The following ARID4A variants were observed in gnomAD, a reference collection of about 807,000 sequenced individuals.
The protein encoded by ARID4A is AT-rich interactive domain-containing protein 4A.
ARID4A carries 39 observed loss-of-function variants against 148.6 expected under a neutral mutation model. That is an observed-to-expected ratio of 0.26 (90% CI 0.20 to 0.34). ARID4A has a LOEUF of 0.34. ARID4A is among the 10% of genes least tolerant of loss of function. ARID4A has a pLI of 1.00. For missense variants in ARID4A, 1,265 were observed against 1,449.1 expected, an observed-to-expected ratio of 0.87 and a Z score of 2.06; for synonymous variants, 475 against 481.2, an observed-to-expected ratio of 0.99 and a Z score of 0.17.
Position 58,357,013 on chromosome 14 carries a change from T to G in ARID4A, c.1854-2119T>G, listed in dbSNP as rs1320738558. On this transcript the variant is annotated intron_variant, in intron 17 of 23. Transcript: ENST00000355431. ...TGCGCCCGGCCTAAATTTGGATTTT[T>G]TTTCCTGGTCTAGCGATATGCAGTA... Among the ~76,000 whole-genome samples, 3 of 152,224 alleles carry G rather than the reference T, an allele frequency of 2.0e-5. No individual in the cohort carries two copies. In the East Asian group the frequency reaches 5.8e-4, roughly 29 times the overall value.
Position 58,366,220 on chromosome 14 carries a change from C to T in ARID4A, c.3513C>T (p.Ser1171=). 6.2e-7 allele frequency: 1 copy of T among 1,612,174 alleles called. No homozygotes were observed. The highest frequency in any genetic ancestry group is 8.5e-7 in the Non-Finnish European group (1 of 1,178,558). ...CATCCCCTAGGACATATAAATGGAG[C>T]TTTCAGCTCAGTAAGAAGCTTATAG... ...PNSSPRTYKW[S]FQLNELDNMN... is the part of the protein sequence containing the mutation. Residue 1171 remains serine (S), a synonymous_variant, in exon 22 of 24, where the codon AGC becomes AGT. Transcript: ENST00000355431.
At chr14:58,346,369 A>C (rs377017223) in intron 12 of ARID4A, 42 bp from the exon 13 acceptor site, 1 of 1,408,608 alleles carries the variant, frequency 7.1e-7, no homozygotes, top group African/African-American at 1.4e-5. Context: ...AGTATTTCTC[A>C]TTTGAATAAA....
At chr14:58,344,097 A>G (rs1441896322) in intron 11 of ARID4A, among the ~76,000 whole-genome samples, 1 of 152,158 alleles carries the variant, frequency 6.6e-6, no homozygotes, top group African/African-American at 2.4e-5. Context: ...CAAAAGAGAA[A>G]ACCAGGTTAT....
chr14:58,360,359 A>G (rs2035081457), intron 18 of ARID4A, among the ~76,000 whole-genome samples: 1 of 152,198 alleles, frequency 6.6e-6, no homozygotes, highest in Non-Finnish European at 1.5e-5. Flanking sequence ...TTTCAAGACC[A>G]CTATCTTTCT....
At position 58,351,328 on chromosome 14, in the gene ARID4A, A is replaced by G. The variant is rs1431245987; in HGVS notation, c.1655+5A>G. 1 of 1,592,922 alleles carries G rather than the reference A, an allele frequency of 6.3e-7. No individual in the cohort carries two copies. The highest frequency in any genetic ancestry group is 8.5e-7 in the Non-Finnish European group (1 of 1,175,020). On this transcript the variant is annotated splice_donor_5th_base_variant and intron_variant, in intron 16 of 23. Transcript: ENST00000355431. ...GGAAGAGAAAAGCCAAGAGAGGTAC[A>G]TTATCTTATGTTTGTTCTCCAGAAG...
chr14:58,364,133 A>G (rs1351691051), intron 19 of ARID4A, 37 bp from the exon 20 acceptor site: 1 of 1,068,190 alleles, frequency 9.4e-7, no homozygotes. Context: ...TTGGTAATAT[A>G]AAAACCTGTA....
At chr14:58,360,819 A>G (rs1475304047) in intron 18 of ARID4A, 82 bp from the exon 19 acceptor site, 2 of 1,398,402 alleles carry the variant, frequency 1.4e-6, no homozygotes, top group Non-Finnish European at 2.0e-6. Flanking sequence ...CTTTTTTGAG[A>G]TGTAGTTTTC....
intron 8 of ARID4A, among the ~76,000 whole-genome samples, chr14:58,326,528 G>C (rs985777460): frequency 7.9e-5 from 12 of 152,222 alleles, no homozygotes; most frequent in African/African-American, 2.7e-4. Flanking sequence ...GGGAATAATA[G>C]GAAATATAGC....
chr14:58,355,669 T>C (rs2034837644), intron 17 of ARID4A, among the ~76,000 whole-genome samples: 1 of 152,188 alleles, frequency 6.6e-6, no homozygotes, highest in Non-Finnish European at 1.5e-5. Context: ...TTAACTGTTT[T>C]CTTTTCTTTA....
chr14:58,317,658 T>A (rs2032553103), intron 5 of ARID4A, among the ~76,000 whole-genome samples: 1 of 76,028 alleles, frequency 1.3e-5, no homozygotes, highest in African/African-American at 5.6e-5. Flanking sequence ...TGAGACAGAA[T>A]CTTGGTTTTG....
intron 12 of ARID4A, 87 bp from the exon 13 acceptor site, chr14:58,346,324 G>C: frequency 1.2e-6 from 1 of 865,230 alleles, no homozygotes; most frequent in South Asian, 1.7e-5. Flanking sequence ...AATGAAATTG[G>C]GGAAATTAGA....
intron 5 of ARID4A, among the ~76,000 whole-genome samples, chr14:58,315,230 C>A (rs911059704): frequency 1.3e-5 from 2 of 151,924 alleles, no homozygotes; most frequent in Admixed American, 1.3e-4. Context: ...TTTGAGCAAT[C>A]TCTTTTTTTA....
At chr14:58,305,215 A>G (rs1453521045) in intron 4 of ARID4A, among the ~76,000 whole-genome samples, 1 of 152,118 alleles carries the variant, frequency 6.6e-6, no homozygotes, top group Non-Finnish European at 1.5e-5. Flanking sequence ...CTAGAAGGGT[A>G]ATTTAATATA....
Position 58,365,202 on chromosome 14 carries a change from A to G in ARID4A, c.3113A>G (p.Glu1038Gly), listed in dbSNP as rs1190001030. 2.5e-6 allele frequency: 4 copies of G among 1,614,112 alleles called. No homozygotes were observed. Among genetic ancestry groups the G allele is most frequent in the Non-Finnish European group, 3.4e-6 (4 of 1,179,968 alleles). The change falls in exon 20 of 24, where the codon GAA becomes GGA. Residue 1038 changes from glutamate to glycine, a missense_variant. Physicochemically the swap from Glu to Gly is moderately conservative, Grantham distance 98. Coordinates refer to ENST00000355431, the MANE Select transcript of ARID4A (RefSeq NM_002892.4). ...GATAGTATTGCTGAAGAATCTCAAG[A>G]AGGTCTCTGTGAGAGGGAATCGGCA... Reference protein sequence around the residue: ...EVDSIAEESQEGLCERESANG... With the variant: ...EVDSIAEESQGGLCERESANG...
intron 16 of ARID4A, among the ~76,000 whole-genome samples, chr14:58,351,928 C>A (rs1397493114): frequency 6.6e-6 from 1 of 152,072 alleles, no homozygotes; most frequent in Non-Finnish European, 1.5e-5. Flanking sequence ...ATGGACTGAA[C>A]TGACTTAAAA....
chr14:58,355,478 A>G (rs1038927741), intron 17 of ARID4A, among the ~76,000 whole-genome samples: 3 of 152,230 alleles, frequency 2.0e-5, no homozygotes, highest in Non-Finnish European at 4.4e-5. Context: ...AAATAGAGCA[A>G]TTATAACTGT....
intron 8 of ARID4A, among the ~76,000 whole-genome samples, chr14:58,323,981 T>C (rs529186895): frequency 1.4e-5 from 2 of 141,520 alleles, no homozygotes; most frequent in South Asian, 2.4e-4. Context: ...CTCGGCTCAC[T>C]GCAAGCTCTG....
At chr14:58,356,994 C>T (rs908561049) in intron 17 of ARID4A, among the ~76,000 whole-genome samples, 2 of 152,090 alleles carry the variant, frequency 1.3e-5, no homozygotes, top group Non-Finnish European at 2.9e-5. Flanking sequence ...CCACTGCGCC[C>T]GGCCTAAATT....
intron 7 of ARID4A, among the ~76,000 whole-genome samples, chr14:58,321,429 G>A (rs1023435139): frequency 1.3e-5 from 2 of 152,104 alleles, no homozygotes; most frequent in African/African-American, 2.4e-5. Context: ...AGGGAGCCTG[G>A]GAGCCTTTCC....
Sources: allele counts gnomAD v4.1 joint callset (sites outside exome capture counted in the v4.1 genomes callset), GRCh38; gene constraint gnomAD v4.1.1; transcripts MANE v1.5; gene names NCBI Gene and HGNC (gene_info 2026-07-23, HGNC 2026-07-21).